Variants in KLF17 observed in about 807,000 individuals in gnomAD.
KLF17 encodes Krueppel-like factor 17.
Under a neutral mutation model 34.2 loss-of-function variants are expected in KLF17, and 31 were observed. The observed-to-expected ratio is 0.91, with a 90% CI of 0.68 to 1.22. KLF17 has a LOEUF of 1.22. KLF17 is among the 50% of genes most tolerant of loss of function. KLF17 has a pLI of 0.00. For synonymous variants in KLF17, 179 were observed against 186.7 expected (o/e 0.96, Z 0.34); for missense variants, 478 against 505.2 (o/e 0.95, Z 0.52).
chr1:44,126,627 A>G (rs145369867), intron 1 of KLF17, among the ~76,000 whole-genome samples: 149 of 152,216 alleles, frequency 9.8e-4, no homozygotes, highest in African/African-American at 3.5e-3. Flanking sequence ...CTTTTGACCC[A>G]GTCCTAATCT....
the KLF17 span, among the ~76,000 whole-genome samples, chr1:44,053,458 T>C: frequency 5.4e-3 from 826 of 151,632 alleles, 7 homozygotes; most frequent in African/African-American, 0.019. Flanking sequence ...CCCCTAGTTC[T>C]GGGGGGGGAG....
At chr1:44,058,362 C>T in the KLF17 span, among the ~76,000 whole-genome samples, 1 of 152,128 alleles carries the variant, frequency 6.6e-6, no homozygotes, top group Non-Finnish European at 1.5e-5. Context: ...ACGATCTCGG[C>T]TCACTGAAAC....
the KLF17 span, among the ~76,000 whole-genome samples, chr1:44,068,768 G>A: frequency 2.0e-5 from 3 of 152,202 alleles, no homozygotes; most frequent in Non-Finnish European, 4.4e-5. Flanking sequence ...CCAAACGGAA[G>A]CTTGTGGAGA....
the KLF17 span, among the ~76,000 whole-genome samples, chr1:44,053,516 C>T: frequency 6.6e-6 from 1 of 152,120 alleles, no homozygotes; most frequent in Non-Finnish European, 1.5e-5. Flanking sequence ...CAGCAGGCAT[C>T]CCTCCCCTTT....
chr1:44,060,040 C>T, the KLF17 span, among the ~76,000 whole-genome samples: 33 of 152,128 alleles, frequency 2.2e-4, no homozygotes, highest in Non-Finnish European at 2.9e-4. Flanking sequence ...CATCACACCC[C>T]GTAGGGCCTC....
the KLF17 span, among the ~76,000 whole-genome samples, chr1:44,065,104 T>C: frequency 3.3e-5 from 5 of 151,860 alleles, no homozygotes; most frequent in African/African-American, 9.7e-5. Flanking sequence ...CTGGCCAACA[T>C]GGTGAAACCC....
the KLF17 span, among the ~76,000 whole-genome samples, chr1:44,098,406 A>G: frequency 1.0e-4 from 15 of 148,788 alleles, no homozygotes; most frequent in Non-Finnish European, 1.5e-4. Context: ...CAAAAAGACA[A>G]CTTTTTGTTT....
chr1:44,112,301 G>A, the KLF17 span, among the ~76,000 whole-genome samples: 5 of 152,188 alleles, frequency 3.3e-5, no homozygotes, highest in Non-Finnish European at 7.3e-5. Context: ...ACCTGGCTCT[G>A]ACTTTTTCTT....
chr1:44,046,406 G>A, the KLF17 span, among the ~76,000 whole-genome samples: 1 of 151,798 alleles, frequency 6.6e-6, no homozygotes, highest in Non-Finnish European at 1.5e-5. Flanking sequence ...TTTATTTGTA[G>A]AGACGGGGTC....
intron 1 of KLF17, among the ~76,000 whole-genome samples, chr1:44,120,144 A>T (rs9919122): frequency 0.23 from 35,212 of 152,154 alleles, 4,538 homozygotes; most frequent in East Asian, 0.32. Context: ...AAGGATGAGA[A>T]GGACAAGATT....
At chr1:44,074,712 A>T in the KLF17 span, 3 of 152,252 alleles carry the variant, frequency 2.0e-5, no homozygotes, top group African/African-American at 7.2e-5. Context: ...GTATGCTTTT[A>T]CAAATATTGG....
At chr1:44,116,131 T>C (rs2087877395), upstream of KLF17, among the ~76,000 whole-genome samples, 1 of 152,166 alleles carries the variant, frequency 6.6e-6, no homozygotes, top group Non-Finnish European at 1.5e-5. Flanking sequence ...ACACTAGGTA[T>C]GTGGGAACTG....
chr1:44,094,299 C>G, the KLF17 span, among the ~76,000 whole-genome samples: 2 of 151,998 alleles, frequency 1.3e-5, no homozygotes, highest in Admixed American at 1.3e-4. Flanking sequence ...TGGGTTGTCT[C>G]TTTTCTTTGT....
At chr1:44,105,611 A>C in the KLF17 span, 1 of 152,114 alleles carries the variant, frequency 6.6e-6, no homozygotes, top group African/African-American at 2.4e-5. Flanking sequence ...AACATTTTGC[A>C]TGTATATATT....
rs1022192032 is a variant in KLF17, at chr1:44,129,765, G to A, written c.494G>A (p.Gly165Glu). 6.2e-7 allele frequency: 1 copy of A among 1,614,130 alleles called. No homozygotes were observed. Among genetic ancestry groups the A allele is most frequent in the Non-Finnish European group, 8.5e-7 (1 of 1,180,018 alleles). ...PNGLPVSAST[G>E]IPIMSHTGNP... The stretch of plus-strand genomic sequence containing the variant: ...GGGCTGCCAGTCTCGGCTTCCACTG[G>A]AATCCCAATAATGTCCCACACTGGG... The change falls in exon 2 of 4, where the codon GGA becomes GAA. Residue 165 changes from glycine to glutamate, a missense_variant. Gly to Glu is a moderately conservative substitution (Grantham distance 98). Transcript: ENST00000372299.
At chr1:44,070,210 T>C in the KLF17 span, among the ~76,000 whole-genome samples, 1 of 152,242 alleles carries the variant, frequency 6.6e-6, no homozygotes, top group Non-Finnish European at 1.5e-5. Context: ...TAAATTTGTA[T>C]GCATTTATGG....
chr1:44,058,274 C>T, the KLF17 span, among the ~76,000 whole-genome samples: 3 of 152,102 alleles, frequency 2.0e-5, no homozygotes, highest in Non-Finnish European at 4.4e-5. Context: ...TCTCTCCTCA[C>T]CATCGCCTTT....
At chr1:44,107,587 C>T in the KLF17 span, among the ~76,000 whole-genome samples, 1 of 152,152 alleles carries the variant, frequency 6.6e-6, no homozygotes, top group African/African-American at 2.4e-5. Flanking sequence ...CTCCGTCCTG[C>T]TCAGGAGGAA....
chr1:44,098,447 TTTTA>T, the KLF17 span, among the ~76,000 whole-genome samples: 2 of 150,974 alleles, frequency 1.3e-5, no homozygotes, highest in East Asian at 1.9e-4. Flanking sequence ...TTAGTCTCAA[TTTTA>T]TTTATTTCTC....
Sources: gnomAD v4.1 joint callset for allele counts (sites outside exome capture counted in the v4.1 genomes callset) on GRCh38, gnomAD v4.1.1 for gene constraint, MANE v1.5 for transcripts, NCBI Gene and HGNC (gene_info 2026-07-23, HGNC 2026-07-21) for gene names.